Variants in EPHA6 observed in about 807,000 individuals in gnomAD.
The protein encoded by EPHA6 is ephrin type-A receptor 6.
EPHA6 carries 50 observed loss-of-function variants against 112.0 expected under a neutral mutation model. The observed-to-expected ratio is 0.45, with a 90% CI of 0.36 to 0.56. The LOEUF (loss-of-function observed/expected upper bound fraction) is 0.56, where lower values mean the gene tolerates loss of function less well. Ranked by LOEUF, EPHA6 falls within the 20% of genes least tolerant of loss-of-function variation. EPHA6 has a pLI of 0.00. For missense variants in EPHA6, 1,280 were observed against 1,417.4 expected, an observed-to-expected ratio of 0.90 and a Z score of 1.56; for synonymous variants, 529 against 490.7, an observed-to-expected ratio of 1.08 and a Z score of -1.03.
chr3:97,120,358 A>T (rs995491219), intron 3 of EPHA6, among the ~76,000 whole-genome samples: 2 of 151,854 alleles, frequency 1.3e-5, no homozygotes, highest in African/African-American at 2.4e-5. Context: ...ATAAAACTTG[A>T]TGTGCAGTTT....
chr3:97,207,566 T>G (rs1301070319), intron 3 of EPHA6, among the ~76,000 whole-genome samples: 2 of 152,142 alleles, frequency 1.3e-5, no homozygotes, highest in South Asian at 4.1e-4. Context: ...TTATGGAAAT[T>G]TGATATGCAT....
intron 14 of EPHA6, among the ~76,000 whole-genome samples, chr3:97,682,354 A>C (rs2031922925): frequency 6.6e-6 from 1 of 152,156 alleles, no homozygotes; most frequent in South Asian, 2.1e-4. Flanking sequence ...TTGGAAGCTA[A>C]AAATGAAATG....
At chr3:97,564,190 ATAAAT>A (rs1226864897) in intron 11 of EPHA6, among the ~76,000 whole-genome samples, 1 of 151,790 alleles carries the variant, frequency 6.6e-6, no homozygotes, top group African/African-American at 2.4e-5. Flanking sequence ...TCTAAATCTG[ATAAAT>A]TAAGAAATAC....
At chr3:97,660,768 C>A (rs1279474166) in intron 14 of EPHA6, among the ~76,000 whole-genome samples, 1 of 151,950 alleles carries the variant, frequency 6.6e-6, no homozygotes, top group Admixed American at 6.6e-5. Context: ...TAGCCTAAAC[C>A]TATGTTATGA....
chr3:97,598,439 CAG>C (rs1004740713), intron 12 of EPHA6, among the ~76,000 whole-genome samples: 1 of 128,884 alleles, frequency 7.8e-6, no homozygotes, highest in African/African-American at 2.9e-5. Context: ...CCACAGTCCC[CAG>C]AGTGTGATAT....
chr3:96,946,017 G>T (rs911138320), intron 2 of EPHA6, among the ~76,000 whole-genome samples: 1 of 151,850 alleles, frequency 6.6e-6, no homozygotes, highest in African/African-American at 2.4e-5. Flanking sequence ...CTAACCCTTG[G>T]CAACCACTGA....
chr3:97,218,221 T>A (rs2078087826), intron 3 of EPHA6, among the ~76,000 whole-genome samples: 1 of 151,844 alleles, frequency 6.6e-6, no homozygotes, highest in African/African-American at 2.4e-5. Context: ...CAGTAAGCTG[T>A]GATCATGCCA....
chr3:96,814,936 T>G lies in EPHA6; in HGVS notation c.313T>G (p.Leu105Val). The part of the protein sequence containing the change: ...MGGCEVREFL[L>V]QFGFFLPLLT... ...GGGCTGCGAAGTCCGGGAATTTCTT[T>G]TGCAATTTGGTTTCTTCTTGCCTCT... The change falls in exon 1 of 18, where the codon TTG becomes GTG. Residue 105 changes from leucine (L) to valine (V), a missense_variant. Physicochemically the swap from Leu to Val is conservative, Grantham distance 32 (BLOSUM62 1). Coordinates refer to ENST00000389672, the MANE Select transcript of EPHA6 (RefSeq NM_001080448.3). 1 of 1,551,282 alleles carries G rather than the reference T, an allele frequency of 6.4e-7. No homozygotes were observed. The highest frequency in any genetic ancestry group is 1.2e-5 in the South Asian group (1 of 83,988).
chr3:97,256,894 G>C (rs995640720), intron 5 of EPHA6, among the ~76,000 whole-genome samples: 4 of 151,956 alleles, frequency 2.6e-5, no homozygotes, highest in Non-Finnish European at 5.9e-5. Flanking sequence ...AATGTGGAAT[G>C]CATATTTAAT....
chr3:97,626,533 G>A (rs888714364), intron 13 of EPHA6, among the ~76,000 whole-genome samples: 2 of 151,740 alleles, frequency 1.3e-5, no homozygotes, highest in African/African-American at 2.4e-5. Context: ...CAGACCGTGA[G>A]TCCATGCTAG....
chr3:96,987,105 T>C (rs1471605532), intron 2 of EPHA6, among the ~76,000 whole-genome samples: 1 of 152,216 alleles, frequency 6.6e-6, no homozygotes, highest in Non-Finnish European at 1.5e-5. Flanking sequence ...AAAGTTGTCA[T>C]GCAATTAATG....
At chr3:96,845,635 C>T (rs943314213) in intron 1 of EPHA6, among the ~76,000 whole-genome samples, 9 of 151,822 alleles carry the variant, frequency 5.9e-5, no homozygotes, top group African/African-American at 1.5e-4. Flanking sequence ...GCTAGGAAAA[C>T]TAATGTGTTA....
intron 5 of EPHA6, among the ~76,000 whole-genome samples, chr3:97,354,609 G>GA (rs2083974200): frequency 6.6e-6 from 1 of 151,970 alleles, no homozygotes; most frequent in Admixed American, 6.6e-5. Flanking sequence ...ACAGGATCTA[G>GA]AAAATAGCCA....
intron 10 of EPHA6, among the ~76,000 whole-genome samples, chr3:97,512,911 T>A (rs1005342453): frequency 3.3e-5 from 5 of 152,290 alleles, no homozygotes; most frequent in Admixed American, 6.5e-5. Context: ...AAATGTCTTT[T>A]TTTTGCTAGT....
At chr3:97,451,053 G>T (rs779514013) in intron 7 of EPHA6, among the ~76,000 whole-genome samples, 1 of 151,848 alleles carries the variant, frequency 6.6e-6, no homozygotes, top group Non-Finnish European at 1.5e-5. Context: ...AATTTAAAGC[G>T]CAAATAACTT....
At chr3:97,410,317 G>A (rs774421395) in intron 6 of EPHA6, among the ~76,000 whole-genome samples, 11 of 151,948 alleles carry the variant, frequency 7.2e-5, no homozygotes, top group Non-Finnish European at 1.5e-4. Context: ...AGCAATTATT[G>A]TAGCAATAAT....
chr3:96,859,998 G>C (rs1437653328), intron 1 of EPHA6, among the ~76,000 whole-genome samples: 1 of 152,108 alleles, frequency 6.6e-6, no homozygotes, highest in African/African-American at 2.4e-5. Context: ...TCCTAGTAGT[G>C]AAAGTTAAAG....
chr3:96,942,370 T>A (rs1051226400), intron 2 of EPHA6, among the ~76,000 whole-genome samples: 1 of 152,188 alleles, frequency 6.6e-6, no homozygotes, highest in African/African-American at 2.4e-5. Flanking sequence ...CAGACTGCTG[T>A]GCTAGCAATC....
At chr3:97,442,514 A>C (rs1179933622) in intron 6 of EPHA6, among the ~76,000 whole-genome samples, 1 of 152,116 alleles carries the variant, frequency 6.6e-6, no homozygotes, top group Non-Finnish European at 1.5e-5. Flanking sequence ...TGAACCACAG[A>C]GGTTCAGATC....
Sources: gnomAD v4.1 joint callset for allele counts (sites outside exome capture counted in the v4.1 genomes callset) on GRCh38, gnomAD v4.1.1 for gene constraint, MANE v1.5 for transcripts, NCBI Gene and HGNC (gene_info 2026-07-23, HGNC 2026-07-21) for gene names.